The following TACC2 variants were observed in gnomAD, a reference collection of about 807,000 sequenced individuals.
The protein encoded by TACC2 is transforming acidic coiled-coil containing protein 2.
TACC2 carries 137 observed loss-of-function variants against 227.3 expected under a neutral mutation model. That is an observed-to-expected ratio of 0.60 (90% CI 0.52 to 0.69). The LOEUF (loss-of-function observed/expected upper bound fraction) is 0.69, where lower values mean the gene tolerates loss of function less well. TACC2 is among the 30% of genes least tolerant of loss of function. The probability of loss-of-function intolerance (pLI) is 0.00; values close to 1 mark genes in which losing one functional copy is unlikely to be tolerated. For missense variants in TACC2, 3,470 were observed against 3,694.4 expected (o/e 0.94, Z 1.57); for synonymous variants, 1,523 against 1,487.5 (o/e 1.02, Z -0.55).
rs189235771 is a variant in TACC2 at position 122,194,836 on chromosome 10, C to T, written c.5835-204C>T. On this transcript the variant is annotated intron_variant, in intron 7 of 22. Coordinates refer to ENST00000369005, the MANE Select transcript of TACC2 (RefSeq NM_206862.4). The surrounding 1 kb of genome is among the most constrained non-coding windows in gnomAD (Gnocchi z 4.4). ...CCAGTAGAGCCGAGTTCAAAGAATACATCATTTGTGTGCAATCAGAGCCAG... is the reference window on the plus strand; with the variant it reads ...CCAGTAGAGCCGAGTTCAAAGAATATATCATTTGTGTGCAATCAGAGCCAG... 9.8e-5 allele frequency among the ~76,000 whole-genome samples: 15 copies of T among 152,288 alleles called. No homozygotes were observed. Among genetic ancestry groups the T allele is most frequent in the Non-Finnish European group, 1.0e-4 (7 of 68,022 alleles).
At chr10:122,115,527 G>T (rs1026614749) in intron 5 of TACC2, among the ~76,000 whole-genome samples, 1 of 152,196 alleles carries the variant, frequency 6.6e-6, no homozygotes, top group Non-Finnish European at 1.5e-5. Flanking sequence ...ACTCTCATGT[G>T]AGAGTCCTGC....
At chr10:122,193,743 C>T (rs1413352040) in intron 7 of TACC2, among the ~76,000 whole-genome samples, 3 of 152,166 alleles carry the variant, frequency 2.0e-5, no homozygotes, top group Non-Finnish European at 2.9e-5. Context: ...ACTGCTGCTG[C>T]CAGGCTAGCT....
intron 7 of TACC2, among the ~76,000 whole-genome samples, chr10:122,164,492 G>C (rs1444371493): frequency 6.6e-6 from 1 of 152,188 alleles, no homozygotes; most frequent in African/African-American, 2.4e-5. Flanking sequence ...GTGAACACTC[G>C]AGGACAAGGC....
intron 3 of TACC2, chr10:122,052,279 TGCTCGAGGCCTGTGTCACA>T (rs1366683029): frequency 1.3e-5 from 2 of 152,174 alleles, no homozygotes; most frequent in African/African-American, 2.4e-5. Context: ...GCCTGGGAAT[TGCTCGAGGCCTGTGTCACA>T]GCTGGACTGA....
chr10:122,113,244 G>C (rs1399747240), intron 5 of TACC2: 2 of 152,306 alleles, frequency 1.3e-5, no homozygotes, highest in African/African-American at 4.8e-5. Context: ...GTAAGTGCCG[G>C]GGCCACGGGC....
At chr10:122,190,968 G>A (rs1017093332) in intron 7 of TACC2, among the ~76,000 whole-genome samples, 6 of 152,192 alleles carry the variant, frequency 3.9e-5, no homozygotes, top group Admixed American at 1.3e-4. Context: ...CAGATGTAGC[G>A]AAAAGGGCAC....
intron 5 of TACC2, among the ~76,000 whole-genome samples, chr10:122,122,516 G>A (rs530664000): frequency 6.8e-6 from 1 of 147,310 alleles, no homozygotes; most frequent in East Asian, 2.0e-4. Flanking sequence ...ATAGCTGAAG[G>A]CTAAATCTTT....
Position 122,210,446 on chromosome 10 carries a change from G to T in TACC2, c.6021G>T (p.Ser2007=), listed in dbSNP as rs756389507. Residue 2007 remains serine, a synonymous_variant, in exon 9 of 23, where the codon TCG becomes TCT. Transcript: ENST00000369005. The surrounding 1 kb of genome is among the most constrained non-coding windows in gnomAD (Gnocchi z 4.6). The part of the protein sequence containing the change: ...VPVPDGPRSD[S]VEGSPFRPPS... ...TCCCTGATGGCCCACGGAGCGACTC[G>T]GTGGAAGGAAGTCCCTTCCGTCCCC... 1 of 1,614,056 alleles carries T rather than the reference G, an allele frequency of 6.2e-7. No homozygotes were observed. Among genetic ancestry groups the T allele is most frequent in the Admixed American group, 1.7e-5 (1 of 60,008 alleles).
intron 5 of TACC2, among the ~76,000 whole-genome samples, chr10:122,124,486 T>C (rs983257072): frequency 1.1e-4 from 17 of 152,218 alleles, no homozygotes; most frequent in South Asian, 4.1e-4. Context: ...ATGTTCCCCA[T>C]CGCCCCAGGA....
chr10:122,018,267 C>G (rs919978063), intron 1 of TACC2, among the ~76,000 whole-genome samples: 2 of 152,138 alleles, frequency 1.3e-5, no homozygotes, highest in Middle Eastern at 6.3e-3. Flanking sequence ...ATGATGGCTT[C>G]CAGCTTCATC....
At chr10:122,063,168 G>GA (rs1420201123) in intron 3 of TACC2, among the ~76,000 whole-genome samples, 2 of 152,164 alleles carry the variant, frequency 1.3e-5, no homozygotes, top group African/African-American at 4.8e-5. Flanking sequence ...GTTCTTAGCA[G>GA]AAAAAAGAAA....
chr10:121,997,377 C>T (rs1425144301), intron 1 of TACC2, among the ~76,000 whole-genome samples: 2 of 152,206 alleles, frequency 1.3e-5, no homozygotes, highest in Admixed American at 1.3e-4. Flanking sequence ...GGCTTCTCTA[C>T]CACTGGTCCT....
intron 7 of TACC2, among the ~76,000 whole-genome samples, chr10:122,164,801 T>G (rs1433211384): frequency 6.6e-6 from 1 of 152,162 alleles, no homozygotes; most frequent in East Asian, 1.9e-4. Context: ...TGCCCCCACT[T>G]TTCCAGAGAG....
At chr10:122,227,403 A>G (rs916524849) in intron 13 of TACC2, among the ~76,000 whole-genome samples, 3 of 152,208 alleles carry the variant, frequency 2.0e-5, no homozygotes, top group Admixed American at 2.0e-4. Flanking sequence ...GGGTGGTGAG[A>G]ACAATGATGA....
chr10:122,074,457 G>T (rs1386022581), intron 3 of TACC2, among the ~76,000 whole-genome samples: 1 of 152,252 alleles, frequency 6.6e-6, no homozygotes, highest in Admixed American at 6.5e-5. Flanking sequence ...CCTTCATAGA[G>T]TTGTAAACTA....
In TACC2 at chr10:122,096,434, C is replaced by T. The variant is rs138571647; in HGVS notation, c.5573+7843C>T. 7.9e-5 allele frequency among the ~76,000 whole-genome samples: 12 copies of T among 152,268 alleles called. No homozygotes were observed. The East Asian group carries it at 1.9e-3, about 25-fold the overall frequency. On this transcript the variant is annotated intron_variant, in intron 5 of 22. Coordinates refer to ENST00000369005, the MANE Select transcript of TACC2 (RefSeq NM_206862.4). ...CTTACCGGCCAGGCGCGGTGGCTCA[C>T]GCCTATAATCCCAGCACTTTGGGAG...
rs753531775 is a variant in TACC2, at chr10:122,082,881, G to A, written c.381G>A (p.Ala127=). 5.1e-5 allele frequency: 82 copies of A among 1,613,242 alleles called. No homozygotes were observed. The highest frequency in any genetic ancestry group is 6.6e-5 in the Non-Finnish European group (78 of 1,180,028). Residue 127 remains alanine, a synonymous_variant, in exon 4 of 23, where the codon GCG becomes GCA. Coordinates refer to ENST00000369005, the MANE Select transcript of TACC2 (RefSeq NM_206862.4). ...PPEGCLASPA[A]APEDGPQTQS... ...AAGGTTGCTTGGCAAGTCCAGCAGC[G>A]GCACCTGAAGATGGTCCTCAGACTC...
At chr10:122,065,588 A>G (rs1591619517) in intron 3 of TACC2, among the ~76,000 whole-genome samples, 1 of 152,248 alleles carries the variant, frequency 6.6e-6, no homozygotes, top group African/African-American at 2.4e-5. Flanking sequence ...TTATTTTGCT[A>G]TTATTGGATG....
chr10:122,186,012 C>A (rs2094175587), intron 7 of TACC2, among the ~76,000 whole-genome samples: 1 of 151,772 alleles, frequency 6.6e-6, no homozygotes, highest in African/African-American at 2.4e-5. Context: ...CTCACCTCAA[C>A]CTCCACCTCC....
Sources: allele counts gnomAD v4.1 joint callset (sites outside exome capture counted in the v4.1 genomes callset), GRCh38; gene constraint gnomAD v4.1.1; non-coding constraint Gnocchi (gnomAD v3.1); transcripts MANE v1.5; gene names NCBI Gene and HGNC (gene_info 2026-07-23, HGNC 2026-07-21).